Variants in LINGO2 observed in about 807,000 individuals in gnomAD.
LINGO2 encodes leucine rich repeat and Ig domain containing 2, also known as leucine-rich repeat and immunoglobulin-like domain-containing nogo receptor-interacting protein 2.
A neutral mutation model predicts 30.6 loss-of-function variants in LINGO2; 14 were observed. The observed-to-expected ratio is 0.46, with a 90% CI of 0.30 to 0.72. The LOEUF (loss-of-function observed/expected upper bound fraction) is 0.72, where lower values mean the gene tolerates loss of function less well. LINGO2 is among the 30% of genes least tolerant of loss of function. The probability of loss-of-function intolerance (pLI) is 0.07; values close to 1 mark genes in which losing one functional copy is unlikely to be tolerated. For synonymous variants in LINGO2, 317 were observed against 288.5 expected (o/e 1.10, Z -1.00); for missense variants, 729 against 751.7 (o/e 0.97, Z 0.35).
At chr9:28,723,321 T>C in the LINGO2 span, among the ~76,000 whole-genome samples, 22 of 152,270 alleles carry the variant, frequency 1.4e-4, no homozygotes, top group African/African-American at 5.3e-4. Context: ...TTCAATATTC[T>C]ATATATTAAG....
intron 5 of LINGO2, among the ~76,000 whole-genome samples, chr9:27,988,609 A>AT (rs1266477042): frequency 4.0e-5 from 6 of 151,826 alleles, no homozygotes; most frequent in Non-Finnish European, 8.8e-5. Flanking sequence ...AGTGATGAGC[A>AT]TTTTTTCATG....
the LINGO2 span, among the ~76,000 whole-genome samples, chr9:29,009,312 A>AG: frequency 6.6e-6 from 1 of 152,196 alleles, no homozygotes; most frequent in Non-Finnish European, 1.5e-5. Context: ...AATCTCCTTA[A>AG]GCTGATAAGC....
At chr9:29,085,281 TAAAAAAAAAAAAAAAAA>T in the LINGO2 span, among the ~76,000 whole-genome samples, 31,325 of 78,216 alleles carry the variant, frequency 0.4, 4,357 homozygotes, top group East Asian at 0.58. Context: ...CTATGGTAAG[TAAAAAAAAAAAAAAAAA>T]AAAAAAAAAA....
chr9:28,567,921 C>G (rs1317267966), intron 1 of LINGO2, among the ~76,000 whole-genome samples: 1 of 152,088 alleles, frequency 6.6e-6, no homozygotes, highest in Non-Finnish European at 1.5e-5. Flanking sequence ...ACTCTACTCA[C>G]TGCTATTTTA....
the LINGO2 span, among the ~76,000 whole-genome samples, chr9:29,170,562 A>ACT: frequency 2.6e-5 from 4 of 152,084 alleles, no homozygotes; most frequent in Non-Finnish European, 4.4e-5. Context: ...ATATAACACA[A>ACT]CTCACTTGTA....
chr9:29,124,800 TAC>T, the LINGO2 span, among the ~76,000 whole-genome samples: 1 of 152,216 alleles, frequency 6.6e-6, no homozygotes, highest in African/African-American at 2.4e-5. Context: ...GGAACATTTT[TAC>T]ACTGTTTTTG....
At chr9:28,925,285 T>C in the LINGO2 span, among the ~76,000 whole-genome samples, 3 of 152,208 alleles carry the variant, frequency 2.0e-5, no homozygotes, top group African/African-American at 7.2e-5. Context: ...AAGAATATCT[T>C]TGTTTACCTG....
the LINGO2 span, among the ~76,000 whole-genome samples, chr9:28,684,955 G>A: frequency 6.6e-6 from 1 of 152,078 alleles, no homozygotes; most frequent in Non-Finnish European, 1.5e-5. Flanking sequence ...CACGTGATAG[G>A]TGATTTTTTG....
chr9:28,996,940 TG>T, the LINGO2 span, among the ~76,000 whole-genome samples: 16 of 152,286 alleles, frequency 1.1e-4, no homozygotes, highest in East Asian at 2.9e-3. Flanking sequence ...ATTGTATGTG[TG>T]TGTGTTCTTT....
chr9:27,986,252 AACACAC>A (rs144531403), intron 5 of LINGO2, among the ~76,000 whole-genome samples: 1 of 150,216 alleles, frequency 6.7e-6, no homozygotes, highest in East Asian at 2.0e-4. Flanking sequence ...TCCCCAACTC[AACACAC>A]ACACACACAC....
At chr9:28,996,118 TA>T in the LINGO2 span, among the ~76,000 whole-genome samples, 63,603 of 144,282 alleles carry the variant, frequency 0.44, 14,744 homozygotes, top group African/African-American at 0.64. Flanking sequence ...TATATTGCTT[TA>T]AAAAAAAAAA....
At chr9:29,037,866 GA>G in the LINGO2 span, among the ~76,000 whole-genome samples, 4 of 151,792 alleles carry the variant, frequency 2.6e-5, no homozygotes, top group African/African-American at 9.7e-5. Context: ...TCAATATATA[GA>G]AAAGCACATA....
In LINGO2 at chr9:28,354,243, G is replaced by T. The variant is rs547577998; in HGVS notation, c.-246+18593C>A. Among the ~76,000 whole-genome samples the T allele has an allele frequency of 1.4e-4, 22 of 152,222 alleles. No individual in the cohort carries two copies. In the South Asian group the frequency reaches 2.3e-3, roughly 16 times the overall value. On this transcript the variant is annotated intron_variant, in intron 3 of 5. Coordinates refer to ENST00000379992, the Ensembl canonical transcript of LINGO2. ...AAATTTTGGCTTTTAAGGTGATACG[G>T]TACTCATACCAGTAGGTTTGGGAAA...
the LINGO2 span, among the ~76,000 whole-genome samples, chr9:29,165,815 T>A: frequency 6.6e-6 from 1 of 152,138 alleles, no homozygotes; most frequent in African/African-American, 2.4e-5. Flanking sequence ...AAAAGCCAGT[T>A]TCTCATGTAA....
chr9:28,296,904 T>A (rs1823943440), intron 3 of LINGO2, among the ~76,000 whole-genome samples: 1 of 152,162 alleles, frequency 6.6e-6, no homozygotes, highest in Non-Finnish European at 1.5e-5. Flanking sequence ...CATGCCAACA[T>A]TTTTTTCTAC....
chr9:28,850,651 G>C, the LINGO2 span, among the ~76,000 whole-genome samples: 1 of 152,026 alleles, frequency 6.6e-6, no homozygotes, highest in East Asian at 1.9e-4. Context: ...TATTAACCAG[G>C]GTCTTGAAAC....
intron 4 of LINGO2, among the ~76,000 whole-genome samples, chr9:28,238,771 TAGA>T (rs1230062595): frequency 6.6e-6 from 1 of 151,560 alleles, no homozygotes; most frequent in East Asian, 1.9e-4. Flanking sequence ...CCAAAATTAG[TAGA>T]AGAAATACTA....
At chr9:28,119,475 A>G (rs1056491651) in intron 4 of LINGO2, among the ~76,000 whole-genome samples, 4 of 152,244 alleles carry the variant, frequency 2.6e-5, no homozygotes, top group South Asian at 4.1e-4. Flanking sequence ...GTCTTGATTT[A>G]TCTTTAAAAT....
the LINGO2 span, among the ~76,000 whole-genome samples, chr9:28,735,615 C>G: frequency 6.6e-6 from 1 of 151,932 alleles, no homozygotes. Flanking sequence ...GCACATTTTT[C>G]CTAATAGTAA....
Sources: gnomAD v4.1 joint callset for allele counts (sites outside exome capture counted in the v4.1 genomes callset) on GRCh38, gnomAD v4.1.1 for gene constraint, MANE v1.5 for transcripts, NCBI Gene and HGNC (gene_info 2026-07-23, HGNC 2026-07-21) for gene names.